SHISA9: variants seen among roughly 807,000 people sequenced by gnomAD.
The protein encoded by SHISA9 is protein shisa-9.
Under a neutral mutation model 38.0 loss-of-function variants are expected in SHISA9, and 13 were observed. That is an observed-to-expected ratio of 0.34 (90% CI 0.22 to 0.54). The LOEUF is 0.54. Ranked by LOEUF, SHISA9 falls within the 20% of genes least tolerant of loss-of-function variation. The pLI is 0.91. For missense variants in SHISA9, 538 were observed against 575.8 expected (o/e 0.93, Z 0.67); for synonymous variants, 275 against 242.0 (o/e 1.14, Z -1.27).
At chr16:13,485,121 C>G in the SHISA9 span, among the ~76,000 whole-genome samples, 1 of 151,980 alleles carries the variant, frequency 6.6e-6, no homozygotes, top group Admixed American at 6.6e-5. Flanking sequence ...GTTTGCTGCA[C>G]CTATCAACCC....
downstream of SHISA9, among the ~76,000 whole-genome samples, chr16:13,243,873 T>C (rs954215556): frequency 5.4e-5 from 8 of 147,994 alleles, no homozygotes; most frequent in African/African-American, 2.0e-4. Flanking sequence ...CCCAGGTTCA[T>C]GTGATTCTCC....
intron 1 of SHISA9, among the ~76,000 whole-genome samples, chr16:12,904,317 GCCCTGCC>G (rs1404567655): frequency 1.3e-5 from 2 of 152,180 alleles, no homozygotes; most frequent in African/African-American, 4.8e-5. Context: ...TCTCCATCAA[GCCCTGCC>G]CTCGCGAACC....
chr16:13,004,861 G>A (rs1397668336), intron 2 of SHISA9, among the ~76,000 whole-genome samples: 1 of 151,294 alleles, frequency 6.6e-6, no homozygotes, highest in Non-Finnish European at 1.5e-5. Context: ...GAATGCGGGA[G>A]GCAGAGGTTG....
chr16:13,312,888 G>A, the SHISA9 span, among the ~76,000 whole-genome samples: 2 of 152,110 alleles, frequency 1.3e-5, no homozygotes, highest in Non-Finnish European at 2.9e-5. Flanking sequence ...CCAACTAAAA[G>A]AAAAATTATA....
At chr16:13,560,629 T>C in the SHISA9 span, among the ~76,000 whole-genome samples, 1 of 152,038 alleles carries the variant, frequency 6.6e-6, no homozygotes, top group Admixed American at 6.5e-5. Context: ...CATGCTAGGT[T>C]CTAGGGATAC....
At chr16:13,019,898 T>C (rs865903984) in intron 2 of SHISA9, among the ~76,000 whole-genome samples, 8 of 33,428 alleles carry the variant, frequency 2.4e-4, no homozygotes, top group East Asian at 1.9e-3. Flanking sequence ...TTTCTTTCTT[T>C]CTTTCTTTCT....
At chr16:13,521,408 G>A in the SHISA9 span, among the ~76,000 whole-genome samples, 13 of 152,156 alleles carry the variant, frequency 8.5e-5, no homozygotes, top group East Asian at 1.9e-4. Context: ...TACAATTTGC[G>A]TCTAATGCCC....
intron 2 of SHISA9, among the ~76,000 whole-genome samples, chr16:13,016,092 G>A (rs1249191596): frequency 6.7e-6 from 1 of 148,544 alleles, no homozygotes; most frequent in African/African-American, 2.5e-5. Flanking sequence ...GGCTCAAGCA[G>A]TTCTCCTGCC....
chr16:13,147,390 A>C (rs1293259066), intron 2 of SHISA9, among the ~76,000 whole-genome samples: 9 of 151,694 alleles, frequency 5.9e-5, no homozygotes, highest in African/African-American at 2.2e-4. Flanking sequence ...TAGAAACTTT[A>C]AGGCTAGGGA....
At chr16:13,515,139 G>A in the SHISA9 span, among the ~76,000 whole-genome samples, 2 of 152,122 alleles carry the variant, frequency 1.3e-5, no homozygotes, top group Non-Finnish European at 2.9e-5. Context: ...GGAGGATATG[G>A]GAAATGTCTG....
At chr16:13,342,585 T>A in the SHISA9 span, among the ~76,000 whole-genome samples, 1 of 152,168 alleles carries the variant, frequency 6.6e-6, no homozygotes, top group Non-Finnish European at 1.5e-5. Flanking sequence ...CACATCCGGC[T>A]CAACTTATTC....
intron 2 of SHISA9, among the ~76,000 whole-genome samples, chr16:13,197,114 C>G (rs1027466296): frequency 1.1e-5 from 1 of 95,218 alleles, no homozygotes; most frequent in African/African-American, 4.6e-5. Flanking sequence ...TACACACACA[C>G]ACACACACAC....
intron 2 of SHISA9, among the ~76,000 whole-genome samples, chr16:13,143,506 C>T (rs2050420874): frequency 6.6e-6 from 1 of 152,166 alleles, no homozygotes; most frequent in Non-Finnish European, 1.5e-5. Flanking sequence ...CATGGGTCCC[C>T]TATGGGAAGC....
the SHISA9 span, among the ~76,000 whole-genome samples, chr16:13,319,473 T>C: frequency 7.2e-5 from 11 of 152,268 alleles, no homozygotes; most frequent in African/African-American, 2.4e-4. Context: ...TAAGAGACGA[T>C]AATGTTTTAT....
chr16:12,996,651 C>T (rs907952710), intron 2 of SHISA9, among the ~76,000 whole-genome samples: 1 of 152,100 alleles, frequency 6.6e-6, no homozygotes, highest in Non-Finnish European at 1.5e-5. Context: ...GGTTTTTAAC[C>T]TGGGATCTAT....
At chr16:13,491,581 G>C in the SHISA9 span, among the ~76,000 whole-genome samples, 2 of 151,748 alleles carry the variant, frequency 1.3e-5, no homozygotes, top group Admixed American at 1.3e-4. Flanking sequence ...TCCACCTCTA[G>C]GGTTCAAGCA....
chr16:13,325,754 C>T, the SHISA9 span, among the ~76,000 whole-genome samples: 2 of 152,030 alleles, frequency 1.3e-5, no homozygotes, highest in Middle Eastern at 3.2e-3. Flanking sequence ...TTTGCAGGGC[C>T]ATGGATGAGG....
intron 2 of SHISA9, among the ~76,000 whole-genome samples, chr16:13,085,894 T>G (rs2073705312): frequency 6.6e-6 from 1 of 151,948 alleles, no homozygotes; most frequent in African/African-American, 2.4e-5. Context: ...CTCAAGAACT[T>G]GAAACAAAGG....
chr16:13,224,917 C>G (rs544663571), intron 4 of SHISA9, among the ~76,000 whole-genome samples: 1 of 152,198 alleles, frequency 6.6e-6, no homozygotes, highest in East Asian at 1.9e-4. Flanking sequence ...AGAAAGGAAT[C>G]TCATGTATAG....
Sources: gnomAD v4.1 joint callset for allele counts (sites outside exome capture counted in the v4.1 genomes callset) on GRCh38, gnomAD v4.1.1 for gene constraint, MANE v1.5 for transcripts, NCBI Gene and HGNC (gene_info 2026-07-23, HGNC 2026-07-21) for gene names.